Variants in ADGRG6 observed in about 807,000 individuals in gnomAD.
ADGRG6 encodes the protein G-protein coupled receptor 126.
ADGRG6 carries 84 observed loss-of-function variants against 142.4 expected under a neutral mutation model. The ratio of observed to expected loss-of-function variants is 0.59; its 90% CI spans 0.49 to 0.71. ADGRG6 has a LOEUF of 0.71. ADGRG6 is among the 30% of genes least tolerant of loss of function. The pLI is 0.00. For synonymous variants in ADGRG6, 521 were observed against 520.5 expected, an observed-to-expected ratio of 1.00 and a Z score of -0.01; for missense variants, 1,367 against 1,466.6, an observed-to-expected ratio of 0.93 and a Z score of 1.11.
intron 2 of ADGRG6, among the ~76,000 whole-genome samples, chr6:142,359,754 A>G (rs1780628013): frequency 6.6e-6 from 1 of 152,174 alleles, no homozygotes; most frequent in Non-Finnish European, 1.5e-5. Flanking sequence ...ATAAATGTTT[A>G]GTAAGTATTT....
At chr6:142,340,986 G>A (rs896547265) in intron 2 of ADGRG6, among the ~76,000 whole-genome samples, 1 of 151,964 alleles carries the variant, frequency 6.6e-6, no homozygotes, top group Non-Finnish European at 1.5e-5. Flanking sequence ...TGCAGGGGTA[G>A]GAATTGGTTC....
chr6:142,375,657 G>C (rs1401788026), intron 4 of ADGRG6, among the ~76,000 whole-genome samples: 1 of 152,112 alleles, frequency 6.6e-6, no homozygotes, highest in Non-Finnish European at 1.5e-5. Flanking sequence ...AATCAGTACA[G>C]TAACCAATGG....
intron 21 of ADGRG6, among the ~76,000 whole-genome samples, chr6:142,418,578 A>G (rs1031683409): frequency 2.0e-5 from 3 of 152,184 alleles, no homozygotes; most frequent in South Asian, 2.1e-4. Context: ...TCTAAATAAG[A>G]GAATTTTAGA....
chr6:142,371,809 G>C (rs772142790), intron 4 of ADGRG6, among the ~76,000 whole-genome samples: 2 of 152,084 alleles, frequency 1.3e-5, no homozygotes, highest in Non-Finnish European at 2.9e-5. Context: ...AATCACAAAG[G>C]TGATACAGTA....
chr6:142,310,049 C>G (rs1777689826), intron 2 of ADGRG6, among the ~76,000 whole-genome samples: 1 of 151,808 alleles, frequency 6.6e-6, no homozygotes, highest in South Asian at 2.1e-4. Flanking sequence ...TTGCTAGTTT[C>G]ATTCATCCTC....
Position 142,400,482 on chromosome 6 carries a change from T to A in ADGRG6, c.1568-3T>A, listed in dbSNP as rs763619935. 2 of 1,376,136 alleles carry A rather than the reference T, an allele frequency of 1.5e-6. No homozygotes were observed. Among genetic ancestry groups the A allele is most frequent in the Non-Finnish European group, 2.1e-6 (2 of 963,828 alleles). 85.2% of individuals were successfully genotyped at this position (1,376,136 alleles called of 1,614,324 possible). On this transcript the variant is annotated splice_region_variant and splice_polypyrimidine_tract_variant and intron_variant, in intron 10 of 24. Transcript: ENST00000367609. Reference sequence around the variant, plus strand: ...TCTCATGCTGGTTCTTATGTTCATATAGGTCATTGTCTTGCCATGGAGGAA... The same window carrying A: ...TCTCATGCTGGTTCTTATGTTCATAAAGGTCATTGTCTTGCCATGGAGGAA...
Position 142,417,304 on chromosome 6 carries a change from A to T in ADGRG6, c.2970A>T (p.Leu990=). The part of the protein sequence containing the change: ...GLPALVVSVV[L]ASRNNNEVYG... ...CTGCCTTAGTGGTGTCAGTTGTTCT[A>T]GCGAGCAGAAACAACAATGAAGTCT... Residue 990 remains leucine, a synonymous_variant, in exon 21 of 25, where the codon CTA becomes CTT. Transcript: ENST00000367609. 6.2e-7 allele frequency: 1 copy of T among 1,603,686 alleles called. No individual in the cohort carries two copies. Among genetic ancestry groups the T allele is most frequent in the East Asian group, 2.2e-5 (1 of 44,702 alleles).
intron 24 of ADGRG6, 136 bp downstream of exon 24, chr6:142,438,500 A>G (rs1292250453): frequency 1.9e-6 from 1 of 532,864 alleles, no homozygotes. Context: ...ATCCGTTTGA[A>G]GACGTTATCC....
At chr6:142,415,757 G>C in intron 19 of ADGRG6, 39 bp from the exon 20 acceptor site, 1 of 1,454,466 alleles carries the variant, frequency 6.9e-7, no homozygotes, top group Non-Finnish European at 9.6e-7. Flanking sequence ...TTGATATACA[G>C]TATTAGTTCT....
At chr6:142,321,960 G>A (rs1214642312) in intron 2 of ADGRG6, among the ~76,000 whole-genome samples, 3 of 152,038 alleles carry the variant, frequency 2.0e-5, no homozygotes, top group Non-Finnish European at 2.9e-5. Context: ...CGAGAATTAC[G>A]TGCTAGCTTT....
chr6:142,405,861 C>T, intron 15 of ADGRG6, 33 bp downstream of exon 15: 1 of 1,487,618 alleles, frequency 6.7e-7, no homozygotes, highest in Middle Eastern at 1.8e-4. Flanking sequence ...TGTTTTTCAA[C>T]TGCAAATGAA....
chr6:142,414,860 GC>G, intron 18 of ADGRG6, 108 bp from the exon 19 acceptor site: 1 of 712,276 alleles, frequency 1.4e-6, no homozygotes, highest in South Asian at 3.7e-5. Flanking sequence ...GTTGGTTTTA[GC>G]CCCTGAGAGT....
intron 4 of ADGRG6, among the ~76,000 whole-genome samples, chr6:142,377,638 C>G (rs1583059964): frequency 6.6e-6 from 1 of 152,164 alleles, no homozygotes; most frequent in Admixed American, 6.5e-5. Context: ...ATTCTAAAAC[C>G]AATTTGTTGA....
At chr6:142,408,490 A>G (rs986053762) in intron 16 of ADGRG6, among the ~76,000 whole-genome samples, 3 of 152,146 alleles carry the variant, frequency 2.0e-5, no homozygotes, top group Admixed American at 6.6e-5. Flanking sequence ...AATCAGAAAG[A>G]GAAGGGAAGT....
At chr6:142,384,570 T>C (rs1178756129) in intron 6 of ADGRG6, among the ~76,000 whole-genome samples, 2 of 152,162 alleles carry the variant, frequency 1.3e-5, no homozygotes, top group Admixed American at 1.3e-4. Flanking sequence ...TAATTCACAG[T>C]GAGCAATTTC....
chr6:142,331,353 C>G (rs1159774661), intron 2 of ADGRG6, among the ~76,000 whole-genome samples: 5 of 151,894 alleles, frequency 3.3e-5, no homozygotes, highest in Admixed American at 2.0e-4. Flanking sequence ...TCTTTTTAGG[C>G]CTAGTGAGAC....
chr6:142,338,038 T>TTTTTTTTTTTTTTTTTTTTTTTTTTTTG (rs71021663), intron 2 of ADGRG6, among the ~76,000 whole-genome samples: 2 of 123,640 alleles, frequency 1.6e-5, no homozygotes, highest in African/African-American at 3.1e-5. Context: ...TTTTTTTTTT[T>TTTTTTTTTTTTTTTTTTTTTTTTTTTTG]GAGACGGAGT....
chr6:142,390,186 A>G lies in ADGRG6; in HGVS notation c.1223-72A>G, dbSNP rs551535913. 4 of 640,072 alleles carry G rather than the reference A, an allele frequency of 6.2e-6. No individual in the cohort carries two copies. The South Asian group carries it at 1.1e-4, about 18-fold the overall frequency. 39.6% of individuals were successfully genotyped at this position (640,072 alleles called of 1,614,324 possible). ...ATTATGTAAGACTTACATGATCATA[A>G]CTTTAAATTGTTTGATAATTATATA... On this transcript the variant is annotated intron_variant, in intron 6 of 24. Transcript: ENST00000367609.
At chr6:142,330,944 A>G (rs1185328374) in intron 2 of ADGRG6, among the ~76,000 whole-genome samples, 1 of 152,104 alleles carries the variant, frequency 6.6e-6, no homozygotes, top group Non-Finnish European at 1.5e-5. Context: ...TTAAAAAAAA[A>G]GCTTTTTAAG....
Sources: allele counts gnomAD v4.1 joint callset (sites outside exome capture counted in the v4.1 genomes callset), GRCh38; gene constraint gnomAD v4.1.1; transcripts MANE v1.5; gene names NCBI Gene and HGNC (gene_info 2026-07-23, HGNC 2026-07-21).